The following PPM1H variants were observed in gnomAD, a reference collection of about 807,000 sequenced individuals.
The protein encoded by PPM1H is protein phosphatase 1H.
In PPM1H, 27 loss-of-function variants were observed where a neutral mutation model predicts 54.9. The observed-to-expected ratio is 0.49, with a 90% CI of 0.36 to 0.68. The LOEUF (loss-of-function observed/expected upper bound fraction) is 0.68, where lower values mean the gene tolerates loss of function less well. PPM1H is among the 30% of genes least tolerant of loss of function. The pLI, the probability that PPM1H is intolerant of heterozygous loss-of-function variation, is 0.00. For missense variants in PPM1H, 596 were observed against 667.8 expected, an observed-to-expected ratio of 0.89 and a Z score of 1.19; for synonymous variants, 305 against 270.8, an observed-to-expected ratio of 1.13 and a Z score of -1.24.
intron 2 of PPM1H, among the ~76,000 whole-genome samples, chr12:62,812,717 G>A (rs1043066232): frequency 1.3e-5 from 2 of 150,728 alleles, no homozygotes; most frequent in Non-Finnish European, 2.9e-5. Context: ...TTCTCTTCTC[G>A]CAAAAGGAAA....
rs765182740 is a variant in PPM1H, at chr12:62,897,343, C to T, written c.245+37149G>A. Among the ~76,000 whole-genome samples the T allele has an allele frequency of 1.4e-4, 21 of 152,106 alleles. 1 individual carries two copies. Among genetic ancestry groups the T allele is most frequent in the African/African-American group, 3.1e-4 (13 of 41,414 alleles). ...TAAAACCACAGCCCTTTGCAATTCA[C>T]GCCACATACACTAATAACAGCCTCA... On this transcript the variant is annotated intron_variant, in intron 1 of 9. Transcript: ENST00000228705.
chr12:62,698,532 A>G (rs191531783), intron 6 of PPM1H, among the ~76,000 whole-genome samples: 2 of 152,272 alleles, frequency 1.3e-5, no homozygotes, highest in African/African-American at 4.8e-5. Flanking sequence ...GTAACTGAGC[A>G]CTGAATACTG....
At chr12:62,781,761 G>C (rs1316627507) in intron 4 of PPM1H, among the ~76,000 whole-genome samples, 1 of 152,192 alleles carries the variant, frequency 6.6e-6, no homozygotes, top group Admixed American at 6.5e-5. Context: ...GGGCCTCTCG[G>C]GTGCCCTCTG....
Position 62,934,322 on chromosome 12 carries a change from T to A in PPM1H, c.245+170A>T, listed in dbSNP as rs922650891. 6.7e-6 allele frequency among the ~76,000 whole-genome samples: 1 copy of A among 149,792 alleles called. No homozygotes were observed. Among genetic ancestry groups the A allele is most frequent in the African/African-American group, 2.5e-5 (1 of 40,440 alleles). On this transcript the variant is annotated intron_variant, in intron 1 of 9. Transcript: ENST00000228705. This position sits in a 1 kb window ranked among gnomAD's most constrained non-coding sequence, Gnocchi z 4.2. Reference sequence around the variant, plus strand: ...GTCCTTGGGCTGGGGGAAGAGGGAGTGGGGAGAAGAGGGAAATGGCCAGTG... The same window carrying A: ...GTCCTTGGGCTGGGGGAAGAGGGAGAGGGGAGAAGAGGGAAATGGCCAGTG...
At position 62,793,110 on chromosome 12, in the gene PPM1H, T is replaced by C. The variant is rs147815209; in HGVS notation, c.757-4772A>G. ...TTAGAATATCTCCCTATTTTTGCTG[T>C]CAATGAACCCCGAGCCCTGTGTCTA... On this transcript the variant is annotated intron_variant, in intron 3 of 9. Coordinates refer to ENST00000228705, the MANE Select transcript of PPM1H (RefSeq NM_020700.2). 2.4e-3 allele frequency among the ~76,000 whole-genome samples: 365 copies of C among 152,306 alleles called. 3 individuals are homozygous for C. The highest frequency in any genetic ancestry group is 7.8e-3 in the African/African-American group (325 of 41,566).
intron 3 of PPM1H, 82 bp downstream of exon 3, chr12:62,801,734 T>G: frequency 6.8e-7 from 1 of 1,469,762 alleles, no homozygotes; most frequent in Non-Finnish European, 9.3e-7. Flanking sequence ...GTGCGCTTTC[T>G]GGGAGCCCTC....
intron 1 of PPM1H, among the ~76,000 whole-genome samples, chr12:62,869,517 A>T (rs1379409236): frequency 6.6e-6 from 1 of 152,204 alleles, no homozygotes; most frequent in Non-Finnish European, 1.5e-5. Context: ...CTTAGCCACT[A>T]GACACACTGC....
At chr12:62,837,775 C>T (rs534871910) in intron 1 of PPM1H, among the ~76,000 whole-genome samples, 62 of 152,330 alleles carry the variant, frequency 4.1e-4, no homozygotes, top group African/African-American at 1.4e-3. Context: ...AAATGCAAAG[C>T]TAGCTGCCTC....
chr12:62,931,923 GAAT>G (rs949403448), intron 1 of PPM1H, among the ~76,000 whole-genome samples: 1 of 152,074 alleles, frequency 6.6e-6, no homozygotes, highest in African/African-American at 2.4e-5. Context: ...AAATGCTACA[GAAT>G]AATATGCTTA....
At chr12:62,673,408 G>GT (rs2075967323) in intron 8 of PPM1H, among the ~76,000 whole-genome samples, 1 of 152,174 alleles carries the variant, frequency 6.6e-6, no homozygotes. Context: ...TTGGTGGCAT[G>GT]TTAGGAGGGC....
At chr12:62,769,446 A>G (rs55683940) in intron 4 of PPM1H, among the ~76,000 whole-genome samples, 27,187 of 152,198 alleles carry the variant, frequency 0.18, 2,800 homozygotes, top group African/African-American at 0.28. Flanking sequence ...ATCACTGACA[A>G]AACCAGCCTC....
intron 1 of PPM1H, among the ~76,000 whole-genome samples, chr12:62,914,915 C>T (rs1871573483): frequency 6.6e-6 from 1 of 152,184 alleles, no homozygotes; most frequent in African/African-American, 2.4e-5. Context: ...AGAAAGCCTC[C>T]AACAAGGCCT....
At chr12:62,901,954 T>G (rs920635562) in intron 1 of PPM1H, among the ~76,000 whole-genome samples, 2 of 152,156 alleles carry the variant, frequency 1.3e-5, no homozygotes, top group African/African-American at 4.8e-5. Context: ...AATGGGATAA[T>G]AAAACAGAAA....
At position 62,888,449 on chromosome 12, in the gene PPM1H, C is replaced by T. The variant is rs117112581; in HGVS notation, c.245+46043G>A. Among the ~76,000 whole-genome samples the T allele has an allele frequency of 6.0e-3, 917 of 151,960 alleles. 8 individuals carry two copies. Among genetic ancestry groups the T allele is most frequent in the Middle Eastern group, 0.02 (6 of 294 alleles). The stretch of plus-strand genomic sequence containing the variant: ...ACACTGGAATAAAAAAGACTGGAAC[C>T]GAGAAACAAGCCCTGGTTGTTCAGA... On this transcript the variant is annotated intron_variant, in intron 1 of 9. Coordinates refer to ENST00000228705, the MANE Select transcript of PPM1H (RefSeq NM_020700.2).
At chr12:62,932,918 A>G (rs1872192529) in intron 1 of PPM1H, among the ~76,000 whole-genome samples, 1 of 151,934 alleles carries the variant, frequency 6.6e-6, no homozygotes, top group Non-Finnish European at 1.5e-5. Context: ...TACAGGCGTG[A>G]ACCACCGCGC....
chr12:62,908,422 A>AAAAAAAAAAAAAAAAAAAAAG (rs1284923713), intron 1 of PPM1H, among the ~76,000 whole-genome samples: 1 of 134,176 alleles, frequency 7.5e-6, no homozygotes, highest in Non-Finnish European at 1.6e-5. Flanking sequence ...AAAAAAAAAA[A>AAAAAAAAAAAAAAAAAAAAAG]AAAGAAAGAA....
At chr12:62,850,797 T>C (rs1243529310) in intron 1 of PPM1H, 1 of 151,704 alleles carries the variant, frequency 6.6e-6, no homozygotes, top group African/African-American at 2.4e-5. Flanking sequence ...AGTTTCGCAC[T>C]TTTGGGGAAA....
At chr12:62,930,283 A>G (rs1301762907) in intron 1 of PPM1H, among the ~76,000 whole-genome samples, 1 of 152,198 alleles carries the variant, frequency 6.6e-6, no homozygotes, top group Non-Finnish European at 1.5e-5. Flanking sequence ...CATTTAACAG[A>G]CACTCTCAAA....
chr12:62,692,932 G>GAAACACACACACACAC (rs142817702), intron 7 of PPM1H, among the ~76,000 whole-genome samples: 1 of 146,694 alleles, frequency 6.8e-6, no homozygotes, highest in East Asian at 2.0e-4. Context: ...CTTTTGCTCT[G>GAAACACACACACACAC]ACACACACAC....
Sources: allele counts gnomAD v4.1 joint callset (sites outside exome capture counted in the v4.1 genomes callset), GRCh38; gene constraint gnomAD v4.1.1; non-coding constraint Gnocchi (gnomAD v3.1); transcripts MANE v1.5; gene names NCBI Gene and HGNC (gene_info 2026-07-23, HGNC 2026-07-21).